Variants in FER observed in about 807,000 individuals in gnomAD.
FER encodes the protein FER tyrosine kinase.
A neutral mutation model predicts 111.0 loss-of-function variants in FER; 63 were observed. The ratio of observed to expected loss-of-function variants is 0.57; its 90% CI spans 0.46 to 0.70. The LOEUF (loss-of-function observed/expected upper bound fraction) is 0.70, where lower values mean the gene tolerates loss of function less well. Ranked by LOEUF, FER falls within the 30% of genes least tolerant of loss-of-function variation. The pLI is 0.00. For synonymous variants in FER, 327 were observed against 313.9 expected (o/e 1.04, Z -0.44); for missense variants, 914 against 954.0 (o/e 0.96, Z 0.55).
Position 109,187,437 on chromosome 5 carries a change from C to T in FER, c.2331C>T (p.Tyr777=), listed in dbSNP as rs762886813. ...QQAREQVERG[Y]RMSAPQHCPE... ...CTCCTTCTCTTGGGTCTTCAGGATA[C>T]CGGATGTCAGCTCCCCAGCACTGTC... The change falls in exon 20 of 20, where the codon TAC becomes TAT. Residue 777 remains tyrosine, a synonymous_variant. Coordinates refer to ENST00000281092, the MANE Select transcript of FER (RefSeq NM_005246.4). 17 of 1,612,998 alleles carry T rather than the reference C, an allele frequency of 1.1e-5. No individual in the cohort carries two copies. Among genetic ancestry groups the T allele is most frequent in the East Asian group, 8.9e-5 (4 of 44,874 alleles).
chr5:109,107,164 C>G (rs781654203), intron 17 of FER, among the ~76,000 whole-genome samples: 4 of 152,132 alleles, frequency 2.6e-5, no homozygotes, highest in Non-Finnish European at 4.4e-5. Flanking sequence ...TCATATTCTT[C>G]CTCATTTCTG....
At chr5:109,125,402 T>A (rs1751583400) in intron 17 of FER, among the ~76,000 whole-genome samples, 1 of 152,218 alleles carries the variant, frequency 6.6e-6, no homozygotes, top group African/African-American at 2.4e-5. Context: ...TTTACATAAA[T>A]AAGTTTACTA....
At chr5:108,763,680 C>T (rs1440626368) in intron 1 of FER, among the ~76,000 whole-genome samples, 1 of 152,198 alleles carries the variant, frequency 6.6e-6, no homozygotes, top group Non-Finnish European at 1.5e-5. Context: ...CTGTCTCTAG[C>T]TTCCAAGGCT....
intron 8 of FER, among the ~76,000 whole-genome samples, chr5:108,873,674 A>G (rs866296296): frequency 6.6e-6 from 1 of 152,108 alleles, no homozygotes. Context: ...GTCTCACTTG[A>G]CTAGGTTTCT....
At chr5:108,873,830 C>T (rs147705006) in intron 8 of FER, among the ~76,000 whole-genome samples, 1 of 152,238 alleles carries the variant, frequency 6.6e-6, no homozygotes, top group African/African-American at 2.4e-5. Flanking sequence ...GACAGCCTCC[C>T]AAACAAAGAA....
chr5:109,145,409 A>C (rs1311329172), intron 17 of FER, among the ~76,000 whole-genome samples: 1 of 121,726 alleles, frequency 8.2e-6, no homozygotes, highest in African/African-American at 2.9e-5. Flanking sequence ...AAACTTTCTC[A>C]TATCATTTTA....
chr5:109,085,887 A>G (rs1208200875), intron 16 of FER, among the ~76,000 whole-genome samples: 1 of 151,770 alleles, frequency 6.6e-6, no homozygotes, highest in African/African-American at 2.4e-5. Flanking sequence ...ATTTACTGGG[A>G]TAAAACCTAC....
At chr5:108,961,824 T>C (rs1452734057) in intron 13 of FER, among the ~76,000 whole-genome samples, 1 of 152,198 alleles carries the variant, frequency 6.6e-6, no homozygotes, top group African/African-American at 2.4e-5. Flanking sequence ...TTTGAATTAT[T>C]TGTACTCTTA....
intron 10 of FER, among the ~76,000 whole-genome samples, chr5:108,913,249 T>G (rs1751804388): frequency 6.6e-6 from 1 of 152,218 alleles, no homozygotes; most frequent in Admixed American, 6.5e-5. Context: ...AATTTTTCTT[T>G]GAACATGCTT....
intron 13 of FER, among the ~76,000 whole-genome samples, chr5:108,996,476 A>G (rs1391905950): frequency 6.6e-6 from 1 of 152,226 alleles, no homozygotes; most frequent in Non-Finnish European, 1.5e-5. Flanking sequence ...AGTTTTCTGC[A>G]TAAGGCTAGC....
intron 16 of FER, among the ~76,000 whole-genome samples, chr5:109,050,663 T>C (rs1772661307): frequency 6.6e-6 from 1 of 152,186 alleles, no homozygotes; most frequent in South Asian, 2.1e-4. Flanking sequence ...GGAAAAAATA[T>C]ATGTATAATG....
intron 2 of FER, among the ~76,000 whole-genome samples, chr5:108,794,535 C>T (rs551002322): frequency 1.4e-5 from 2 of 139,126 alleles, no homozygotes; most frequent in African/African-American, 2.6e-5. Context: ...CACCCCCCCC[C>T]CTCCCCGCAC....
At chr5:109,127,402 T>C (rs1487899370) in intron 17 of FER, among the ~76,000 whole-genome samples, 4 of 152,182 alleles carry the variant, frequency 2.6e-5, no homozygotes, top group Non-Finnish European at 4.4e-5. Context: ...TTTTTATTTT[T>C]ACTTTTATTT....
chr5:108,776,230 G>A (rs3805598), intron 2 of FER, among the ~76,000 whole-genome samples: 36,440 of 151,796 alleles, frequency 0.24, 4,655 homozygotes, highest in African/African-American at 0.32. Flanking sequence ...TCTTATTTCT[G>A]TTACATAGTT....
chr5:108,825,007 C>T (rs1166337363), intron 3 of FER, among the ~76,000 whole-genome samples: 3 of 151,906 alleles, frequency 2.0e-5, no homozygotes, highest in African/African-American at 4.8e-5. Context: ...AGGGAGTGTG[C>T]GAATAGGTGT....
At chr5:108,803,562 C>A (rs1258734960) in intron 3 of FER, among the ~76,000 whole-genome samples, 1 of 152,006 alleles carries the variant, frequency 6.6e-6, no homozygotes, top group Non-Finnish European at 1.5e-5. Context: ...AGCTAGCCAG[C>A]TATCCCAGCA....
At chr5:109,162,272 G>T (rs779430654) in intron 17 of FER, among the ~76,000 whole-genome samples, 1 of 151,938 alleles carries the variant, frequency 6.6e-6, no homozygotes, top group Non-Finnish European at 1.5e-5. Flanking sequence ...GAGTTCTTTC[G>T]TTTGAAAGAA....
intron 13 of FER, among the ~76,000 whole-genome samples, chr5:108,976,936 G>A (rs1761429454): frequency 1.3e-5 from 2 of 152,152 alleles, no homozygotes; most frequent in Admixed American, 6.5e-5. Context: ...GGCACTTTAT[G>A]TGGGTCCCAT....
chr5:108,855,585 C>T (rs552739273), intron 5 of FER, among the ~76,000 whole-genome samples: 1 of 140,816 alleles, frequency 7.1e-6, no homozygotes, highest in Non-Finnish European at 1.5e-5. Flanking sequence ...CGCGCCACTG[C>T]ACTCCAGCGA....
Sources: gnomAD v4.1 joint callset for allele counts (sites outside exome capture counted in the v4.1 genomes callset) on GRCh38, gnomAD v4.1.1 for gene constraint, MANE v1.5 for transcripts, NCBI Gene and HGNC (gene_info 2026-07-23, HGNC 2026-07-21) for gene names.